Variants in CLIC6 observed in about 807,000 individuals in gnomAD.
CLIC6 encodes the protein chloride intracellular channel protein 6.
CLIC6 carries 39 observed loss-of-function variants against 49.2 expected under a neutral mutation model. That is an observed-to-expected ratio of 0.79 (90% CI 0.61 to 1.04). CLIC6 has a LOEUF of 1.04. Among genes scored for constraint, CLIC6 ranks in the 50% least tolerant of loss-of-function variants. The pLI, the probability that CLIC6 is intolerant of heterozygous loss-of-function variation, is 0.00. For missense variants in CLIC6, 988 were observed against 993.1 expected, an observed-to-expected ratio of 0.99 and a Z score of 0.07; for synonymous variants, 446 against 433.4, an observed-to-expected ratio of 1.03 and a Z score of -0.36.
Position 34,716,852 on chromosome 21 carries a change from T to C in CLIC6, c.*370T>C. 1 of 145,536 alleles carries C rather than the reference T, an allele frequency of 6.9e-6. No individual in the cohort carries two copies. The highest frequency in any genetic ancestry group is 1.3e-5 in the Non-Finnish European group (1 of 75,882). The allele number at this position is 145,536 out of a possible 1,614,324, so 9.0% of individuals were successfully genotyped here. ...CTTGTTCTCTCTCTCTCTCTCTCTC[T>C]CTCTCTCTATCACACACACACACAC... is the stretch of plus-strand genomic sequence containing the variant. On this transcript the variant is annotated 3_prime_UTR_variant, in exon 6 of 6. Coordinates refer to ENST00000349499, the MANE Select transcript of CLIC6 (RefSeq NM_053277.3).
chr21:34,690,186 A>T (rs779657555), intron 1 of CLIC6, among the ~76,000 whole-genome samples: 8 of 152,196 alleles, frequency 5.3e-5, no homozygotes, highest in Non-Finnish European at 7.3e-5. Flanking sequence ...TCCGGCTCAC[A>T]GCTCAGAGAG....
intron 1 of CLIC6, among the ~76,000 whole-genome samples, chr21:34,683,982 G>A (rs541687309): frequency 1.3e-5 from 2 of 152,182 alleles, no homozygotes; most frequent in South Asian, 2.1e-4. Context: ...ACATATTCCA[G>A]ATTTTTACTA....
intron 1 of CLIC6, among the ~76,000 whole-genome samples, chr21:34,706,357 G>T (rs115493483): frequency 6.6e-6 from 1 of 152,296 alleles, no homozygotes; most frequent in African/African-American, 2.4e-5. Context: ...AACCATTCAT[G>T]AGAAATCCAC....
At chr21:34,709,327 T>C (rs968154458) in intron 4 of CLIC6, 30 bp from the exon 5 acceptor site, 1 of 1,596,364 alleles carries the variant, frequency 6.3e-7, no homozygotes, top group South Asian at 1.1e-5. Context: ...TGCAAACCTC[T>C]CTTTGTGATT....
In CLIC6 at chr21:34,708,808, T is replaced by A. The variant is rs1278974886; in HGVS notation, c.1717+2T>A. The A allele has an allele frequency of 6.3e-7, 1 of 1,597,002 alleles. No individual in the cohort carries two copies. Among genetic ancestry groups the A allele is most frequent in the Non-Finnish European group, 8.6e-7 (1 of 1,164,532 alleles). On this transcript the variant is annotated splice_donor_variant, in intron 4 of 5. Transcript: ENST00000349499. LOFTEE classifies it high-confidence loss of function. The stretch of plus-strand genomic sequence containing the variant: ...ACACGAAGAAGGATGCAAATGAGAG[T>A]GAGTACCTCCCATCCTCCTGTTTTG...
chr21:34,690,990 G>A (rs1387820254), intron 1 of CLIC6, among the ~76,000 whole-genome samples: 2 of 151,978 alleles, frequency 1.3e-5, no homozygotes, highest in Non-Finnish European at 1.5e-5. Flanking sequence ...CTTGGGCCAC[G>A]GCCTTCCTCT....
chr21:34,669,777 A>T lies in CLIC6; in HGVS notation c.389A>T (p.Glu130Val). Residue 130 changes from glutamate to valine, a missense_variant, in exon 1 of 6, where the codon GAG (glutamate) becomes GTG (valine). Transcript: ENST00000349499. ...EPRGEAQREP[E>V]DSAAPERQEE... ...CGCGGGGAGGCTCAGAGGGAGCCCG[A>T]GGACTCTGCGGCCCCCGAGAGGCAG... is the stretch of plus-strand genomic sequence containing the variant. 1 of 1,422,214 alleles carries T rather than the reference A, an allele frequency of 7.0e-7. No homozygotes were observed. The allele number at this position is 1,422,214 out of a possible 1,614,324, so 88.1% of individuals were successfully genotyped here.
At chr21:34,710,631 G>C (rs897247766) in intron 5 of CLIC6, among the ~76,000 whole-genome samples, 8 of 152,102 alleles carry the variant, frequency 5.3e-5, no homozygotes, top group African/African-American at 1.9e-4. Flanking sequence ...GGCTAACATG[G>C]TGAAACTCCC....
chr21:34,694,135 A>ATTTTTTTTTTTTTTTTTTTTTTTTTTT (rs57210806), intron 1 of CLIC6, among the ~76,000 whole-genome samples: 1 of 128,420 alleles, frequency 7.8e-6, no homozygotes, highest in African/African-American at 3.1e-5. Flanking sequence ...CGCCTGGTTA[A>ATTTTTTTTTTTTTTTTTTTTTTTTTTT]TTTTTTTTTT....
chr21:34,698,220 C>A (rs1454632621), intron 1 of CLIC6, among the ~76,000 whole-genome samples: 2 of 152,190 alleles, frequency 1.3e-5, no homozygotes, highest in Non-Finnish European at 2.9e-5. Context: ...CCCTGTGCTT[C>A]CATGGGGAGT....
Position 34,717,089 on chromosome 21 carries a change from G to T in CLIC6, c.*607G>T, listed in dbSNP as rs1316068152. On this transcript the variant is annotated 3_prime_UTR_variant, in exon 6 of 6. Transcript: ENST00000349499. ...AATTGTGAAGCCCACAGATGCGCAC[G>T]CAATGACCAGCAGGAACCGGAAGCC... 2 of 152,132 alleles carry T rather than the reference G, an allele frequency of 1.3e-5. No individual in the cohort carries two copies. Among genetic ancestry groups the T allele is most frequent in the Non-Finnish European group, 2.9e-5 (2 of 68,054 alleles). 9.4% of individuals were successfully genotyped at this position (152,132 alleles called of 1,614,324 possible).
rs190862109 is a variant in CLIC6 at position 34,674,867 on chromosome 21, C to T, written c.1374+4105C>T. Among the ~76,000 whole-genome samples, 360 of 152,198 alleles carry T rather than the reference C, an allele frequency of 2.4e-3. 2 individuals are homozygous for T. The highest frequency in any genetic ancestry group is 0.012 in the South Asian group (57 of 4,822). ...CTAGCAGCAGAGAGTTAAGTAAGAA[C>T]TTCATTTAAGTAAGGAGTTCAGCGG... On this transcript the variant is annotated intron_variant, in intron 1 of 5. Coordinates refer to ENST00000349499, the MANE Select transcript of CLIC6 (RefSeq NM_053277.3).
intron 1 of CLIC6, among the ~76,000 whole-genome samples, chr21:34,689,650 G>A (rs1989952003): frequency 6.6e-6 from 1 of 150,720 alleles, no homozygotes; most frequent in Non-Finnish European, 1.5e-5. Context: ...GGTGTCCACT[G>A]ATACTGCTTG....
chr21:34,689,296 G>C (rs1458097210), intron 1 of CLIC6, among the ~76,000 whole-genome samples: 2 of 152,218 alleles, frequency 1.3e-5, no homozygotes, highest in Non-Finnish European at 2.9e-5. Flanking sequence ...GGAAGACGTT[G>C]TCAGTGCTCA....
chr21:34,686,428 C>G, intron 1 of CLIC6, among the ~76,000 whole-genome samples: 1 of 152,122 alleles, frequency 6.6e-6, no homozygotes, highest in East Asian at 1.9e-4. Flanking sequence ...AACCCAAAAC[C>G]AAAAACATAT....
Position 34,707,358 on chromosome 21 carries a change from A to G in CLIC6, c.1453A>G (p.Ile485Val). 1 of 1,613,756 alleles carries G rather than the reference A, an allele frequency of 6.2e-7. No individual in the cohort carries two copies. Among genetic ancestry groups the G allele is most frequent in the Non-Finnish European group, 8.5e-7 (1 of 1,179,774 alleles). The change falls in exon 2 of 6, where the codon ATA becomes GTA. Residue 485 changes from isoleucine to valine, a missense_variant. Ile to Val is a conservative substitution (Grantham distance 29). Transcript: ENST00000349499. ...TATGATTCTCTGGCTGAAAGGCGTT[A>G]TATTTAATGTGACCACAGTGGACCT... ...LFMILWLKGV[I>V]FNVTTVDLKR... is the part of the protein sequence containing the mutation.
chr21:34,715,870 C>T (rs1377743106), intron 5 of CLIC6, among the ~76,000 whole-genome samples: 2 of 152,198 alleles, frequency 1.3e-5, no homozygotes. Context: ...TTAACATGCA[C>T]AGATGTTTGG....
Position 34,669,088 on chromosome 21 carries a change from G to A in CLIC6, c.-301G>A, listed in dbSNP as rs1480391761. On this transcript the variant is annotated 5_prime_UTR_variant, in exon 1 of 6. Coordinates refer to ENST00000349499, the MANE Select transcript of CLIC6 (RefSeq NM_053277.3). ...GTGCACTGCACCTCCGCGGCCCGCGGGCGAGATTGGGGTCCCGGTGGGAAG... is the reference window on the plus strand; with the variant it reads ...GTGCACTGCACCTCCGCGGCCCGCGAGCGAGATTGGGGTCCCGGTGGGAAG... Among the ~76,000 whole-genome samples, 1 of 152,264 alleles carries A rather than the reference G, an allele frequency of 6.6e-6. No individual in the cohort carries two copies. The highest frequency in any genetic ancestry group is 2.4e-5 in the African/African-American group (1 of 41,472).
At chr21:34,698,787 AG>A (rs1181948969) in intron 1 of CLIC6, among the ~76,000 whole-genome samples, 1 of 152,224 alleles carries the variant, frequency 6.6e-6, no homozygotes, top group African/African-American at 2.4e-5. Context: ...ATAACATTCC[AG>A]CAGAATGACC....
Sources: allele counts gnomAD v4.1 joint callset (sites outside exome capture counted in the v4.1 genomes callset), GRCh38; gene constraint gnomAD v4.1.1; transcripts MANE v1.5; gene names NCBI Gene and HGNC (gene_info 2026-07-23, HGNC 2026-07-21).